CAPZB: variants seen among roughly 807,000 people sequenced by gnomAD.
The protein encoded by CAPZB is F-actin-capping protein subunit beta.
Under a neutral mutation model 38.1 loss-of-function variants are expected in CAPZB, and 2 were observed. That is an observed-to-expected ratio of 0.05 (90% CI 0.02 to 0.17). The LOEUF is 0.17. Among genes scored for constraint, CAPZB ranks in the 10% least tolerant of loss-of-function variants. The pLI is 1.00. For missense variants in CAPZB, 161 were observed against 334.2 expected (o/e 0.48, Z 4.04); for synonymous variants, 107 against 127.4 (o/e 0.84, Z 1.08).
chr1:19,366,325 T>G (rs2094087991), intron 4 of CAPZB, among the ~76,000 whole-genome samples: 1 of 143,602 alleles, frequency 7.0e-6, no homozygotes. Flanking sequence ...AAATAAATGG[T>G]CATGAGGGAC....
chr1:19,453,667 T>A (rs990909237), intron 1 of CAPZB, among the ~76,000 whole-genome samples: 11 of 152,196 alleles, frequency 7.2e-5, no homozygotes, highest in African/African-American at 2.7e-4. Context: ...AGGTCTTCCC[T>A]GTCACCTGAC....
At chr1:19,428,174 G>A (rs556168530) in intron 1 of CAPZB, among the ~76,000 whole-genome samples, 3 of 152,216 alleles carry the variant, frequency 2.0e-5, no homozygotes, top group South Asian at 2.1e-4. Flanking sequence ...AGGTGGAGGC[G>A]GGTGGATCAC....
intron 1 of CAPZB, among the ~76,000 whole-genome samples, chr1:19,423,590 G>A (rs2094410250): frequency 7.2e-6 from 1 of 138,558 alleles, no homozygotes; most frequent in Non-Finnish European, 1.5e-5. Context: ...AGTGGCACAA[G>A]CTCAGCTCAC....
intron 4 of CAPZB, among the ~76,000 whole-genome samples, chr1:19,365,605 CAGATCACCTGAGGTCA>C (rs1232451928): frequency 6.6e-6 from 1 of 151,762 alleles, no homozygotes; most frequent in Non-Finnish European, 1.5e-5. Flanking sequence ...CCGAGACGGG[CAGATCACCTGAGGTCA>C]GGAGTTCGAG....
intron 1 of CAPZB, among the ~76,000 whole-genome samples, chr1:19,477,681 G>A (rs993647609): frequency 3.9e-5 from 6 of 152,250 alleles, no homozygotes; most frequent in African/African-American, 1.2e-4. Context: ...CGGTACCACC[G>A]GAAAATGCCA....
intron 1 of CAPZB, among the ~76,000 whole-genome samples, chr1:19,431,915 A>G (rs2094443065): frequency 6.6e-6 from 1 of 151,230 alleles, no homozygotes; most frequent in Non-Finnish European, 1.5e-5. Flanking sequence ...CGTCTCTACA[A>G]AAAACTTTTT....
intron 2 of CAPZB, 171 bp from the exon 3 acceptor site, chr1:19,385,797 C>T (rs1570075765): frequency 1.3e-6 from 1 of 792,200 alleles, no homozygotes; most frequent in Non-Finnish European, 2.3e-6. Flanking sequence ...CTGACACCAA[C>T]TGTGTCCCTC....
At chr1:19,471,803 T>A (rs1434698938) in intron 1 of CAPZB, among the ~76,000 whole-genome samples, 1 of 131,824 alleles carries the variant, frequency 7.6e-6, no homozygotes, top group Admixed American at 8.0e-5. Flanking sequence ...GAGGCAGAGC[T>A]TGCAGTGAGC....
At chr1:19,415,489 G>A (rs186976152) in intron 2 of CAPZB, among the ~76,000 whole-genome samples, 1 of 152,308 alleles carries the variant, frequency 6.6e-6, no homozygotes, top group East Asian at 1.9e-4. Flanking sequence ...CAGAATAAAA[G>A]CATTTCGTAA....
chr1:19,424,489 G>A (rs2094415026), intron 1 of CAPZB: 1 of 152,350 alleles, frequency 6.6e-6, no homozygotes, highest in Non-Finnish European at 1.5e-5. Flanking sequence ...ATGCCCATCA[G>A]GTGTCCGCAC....
chr1:19,476,227 G>GATAC lies in CAPZB; in HGVS notation c.3+9208_3+9209insGTAT, dbSNP rs1237046140. Among the ~76,000 whole-genome samples, 80 of 46,954 alleles carry GATAC rather than the reference G, an allele frequency of 1.7e-3. 1 individual carries two copies. The highest frequency in any genetic ancestry group is 3.4e-3 in the African/African-American group (74 of 21,952). The allele number at this position is 46,954 out of a possible 152,430, so 30.8% of individuals were successfully genotyped here. A position where few individuals can be genotyped will look rare whatever the true frequency, so the allele number is the denominator to read the frequency against. On this transcript the variant is annotated intron_variant, in intron 1 of 8. Transcript: ENST00000264202. ...AGATAGATAGATAGATAGATAGATA[G>GATAC]GCAGGCAGGCAGGCACTGTGGCACA... is the stretch of plus-strand genomic sequence containing the variant.
intron 1 of CAPZB, chr1:19,448,856 C>T (rs1481630429): frequency 6.2e-7 from 1 of 1,612,934 alleles, no homozygotes; most frequent in Non-Finnish European, 8.5e-7. Context: ...TGGGTCACAT[C>T]TTCTGGGCTG....
chr1:19,437,433 C>A (rs912215653), intron 1 of CAPZB, among the ~76,000 whole-genome samples: 13 of 152,318 alleles, frequency 8.5e-5, no homozygotes, highest in Middle Eastern at 3.4e-3. Flanking sequence ...GACACACCTT[C>A]CCAAATAAGT....
chr1:19,369,210 G>A (rs889603803), intron 4 of CAPZB, among the ~76,000 whole-genome samples: 4 of 152,242 alleles, frequency 2.6e-5, no homozygotes, highest in Non-Finnish European at 5.9e-5. Flanking sequence ...GATGCCAGAT[G>A]AAAGGGAACC....
At position 19,350,811 on chromosome 1, in the gene CAPZB, T is replaced by C. The variant is rs214333; in HGVS notation, c.589-5559A>G. Among the ~76,000 whole-genome samples, 1,063 of 152,174 alleles carry C rather than the reference T, an allele frequency of 7.0e-3. 14 individuals are homozygous for C. Among genetic ancestry groups the C allele is most frequent in the African/African-American group, 0.024 (1,000 of 41,520 alleles). ...TTGTATTTTTTGTAGAGAGATGGGG[T>C]CTTACTTTGTTGCCCAGGCTGGTCT... On this transcript the variant is annotated intron_variant, in intron 6 of 8. Coordinates refer to ENST00000264202, the MANE Select transcript of CAPZB (RefSeq NM_004930.5).
intron 1 of CAPZB, among the ~76,000 whole-genome samples, chr1:19,438,616 C>A (rs1245886642): frequency 6.6e-6 from 1 of 152,166 alleles, no homozygotes; most frequent in African/African-American, 2.4e-5. Context: ...TCAGAAAGGC[C>A]ACGAAGACCA....
intron 8 of CAPZB, among the ~76,000 whole-genome samples, chr1:19,344,058 C>T (rs1322689080): frequency 4.6e-5 from 7 of 152,236 alleles, no homozygotes; most frequent in South Asian, 2.1e-4. Flanking sequence ...GATTTTTGAG[C>T]GGGGACTGAC....
intron 4 of CAPZB, among the ~76,000 whole-genome samples, chr1:19,367,637 G>A (rs771816967): frequency 3.9e-5 from 6 of 152,152 alleles, no homozygotes; most frequent in Admixed American, 3.3e-4. Context: ...CATGGACACG[G>A]GACAGGTATT....
chr1:19,361,797 G>A (rs1349650292), intron 4 of CAPZB, among the ~76,000 whole-genome samples: 1 of 152,168 alleles, frequency 6.6e-6, no homozygotes, highest in Non-Finnish European at 1.5e-5. Flanking sequence ...CTGAGGAGTC[G>A]CCCGCCAGAA....
Sources: allele counts gnomAD v4.1 joint callset (sites outside exome capture counted in the v4.1 genomes callset), GRCh38; gene constraint gnomAD v4.1.1; transcripts MANE v1.5; gene names NCBI Gene and HGNC (gene_info 2026-07-23, HGNC 2026-07-21).